The following ZNF534 variants were observed in gnomAD, a reference collection of about 807,000 sequenced individuals.
ZNF534 encodes KRAB domain only 3.
A neutral mutation model predicts 13.6 loss-of-function variants in ZNF534; 19 were observed. The observed-to-expected ratio is 1.40, with a 90% CI of 0.97 to 2.05. The LOEUF (loss-of-function observed/expected upper bound fraction) is 2.05, where lower values mean the gene tolerates loss of function less well. Ranked by LOEUF, ZNF534 falls within the 30% of genes most tolerant of loss-of-function variation. The probability of loss-of-function intolerance (pLI) is 0.00; values close to 1 mark genes in which losing one functional copy is unlikely to be tolerated. For missense variants in ZNF534, 782 were observed against 796.3 expected (o/e 0.98, Z 0.22); for synonymous variants, 244 against 273.8 (o/e 0.89, Z 1.07).
chr19:52,448,887 A>C (rs571695995), intron 4 of ZNF534, among the ~76,000 whole-genome samples: 25 of 152,314 alleles, frequency 1.6e-4, no homozygotes, highest in African/African-American at 5.5e-4. Context: ...TCTTCTAGCT[A>C]CTTTGAAATA....
At chr19:52,449,282 G>C (rs1199465730) in intron 4 of ZNF534, among the ~76,000 whole-genome samples, 1 of 151,946 alleles carries the variant, frequency 6.6e-6, no homozygotes, top group Non-Finnish European at 1.5e-5. Flanking sequence ...CCCATATCTT[G>C]GCTATTGAGA....
chr19:52,431,523 CTG>C, intron 2 of ZNF534, 34 bp downstream of exon 2: 1 of 1,613,646 alleles, frequency 6.2e-7, no homozygotes, highest in South Asian at 1.1e-5. Flanking sequence ...TGTTCTGTCT[CTG>C]TTTCTTCCTG....
At chr19:52,436,670 G>A (rs2059130904) in intron 4 of ZNF534, among the ~76,000 whole-genome samples, 1 of 152,072 alleles carries the variant, frequency 6.6e-6, no homozygotes, top group African/African-American at 2.4e-5. Context: ...TGATACTTTT[G>A]AATAACTTAT....
At chr19:52,433,868 A>G (rs757687688) in intron 2 of ZNF534, 87 bp from the exon 3 acceptor site, 5 of 1,495,108 alleles carry the variant, frequency 3.3e-6, no homozygotes, top group Non-Finnish European at 4.7e-6. Context: ...GCTTCAGTGG[A>G]GTGAGTCCTT....
intron 2 of ZNF534, 30 bp from the exon 3 acceptor site, chr19:52,433,912 ACTCTCTCCATACC>A (rs754838124): frequency 6.2e-7 from 1 of 1,610,714 alleles, no homozygotes; most frequent in East Asian, 2.2e-5. Context: ...GAAGATAAGT[ACTCTCTCCATACC>A]CTGTTTTTGA....
chr19:52,437,122 A>G lies in ZNF534; in HGVS notation c.272-610A>G, dbSNP rs140004955. Among the ~76,000 whole-genome samples the G allele has an allele frequency of 4.8e-3, 725 of 152,228 alleles. 9 individuals are homozygous for G. Among genetic ancestry groups the G allele is most frequent in the Non-Finnish European group, 6.0e-3 (405 of 68,018 alleles). On this transcript the variant is annotated intron_variant, in intron 4 of 4. Transcript: ENST00000433050. Reference sequence around the variant, plus strand: ...TGTGAAAGTACTATTACAAATATCTACATTGCTGCTCTTAAATATCTTATT... The same window carrying G: ...TGTGAAAGTACTATTACAAATATCTGCATTGCTGCTCTTAAATATCTTATT...
chr19:52,449,609 T>G (rs1032071684), intron 4 of ZNF534, among the ~76,000 whole-genome samples: 3 of 152,234 alleles, frequency 2.0e-5, no homozygotes, highest in Admixed American at 6.5e-5. Context: ...GGTTTTGATT[T>G]GCATTTACCT....
chr19:52,445,160 A>G (rs2059189793), downstream of ZNF534, among the ~76,000 whole-genome samples: 1 of 150,878 alleles, frequency 6.6e-6, no homozygotes, highest in South Asian at 2.1e-4. Flanking sequence ...GGGGACCCAG[A>G]GAGCTTTTCC....
Position 52,440,087 on chromosome 19 carries a change from AG to A in ZNF534, c.*642del, listed in dbSNP as rs2059162745. On this transcript the variant is annotated 3_prime_UTR_variant, in exon 5 of 5. Coordinates refer to ENST00000433050, the MANE Select transcript of ZNF534 (RefSeq NM_001143938.3). Reference sequence around the variant, plus strand: ...CTTTCTTTAAAAACAAAACAAAAAAAGTTATGAAGCCTCACAAAAGTAATAA... The same window carrying A: ...CTTTCTTTAAAAACAAAACAAAAAAATTATGAAGCCTCACAAAAGTAATAA... Among the ~76,000 whole-genome samples, 1 of 152,160 alleles carries A rather than the reference AG, an allele frequency of 6.6e-6. No individual in the cohort carries two copies. Among genetic ancestry groups the A allele is most frequent in the Non-Finnish European group, 1.5e-5 (1 of 68,034 alleles).
chr19:52,437,760 A>G lies in ZNF534; in HGVS notation c.300A>G (p.Ala100=), dbSNP rs2059137488. ...TEKSSKLGSS[A]GNKSLKNQHG... The stretch of plus-strand genomic sequence containing the variant: ...AGAGTTCTAAATTGGGAAGCAGTGC[A>G]GGAAACAAGTCACTTAAAAATCAAC... The change falls in exon 5 of 5, where the codon GCA becomes GCG. Residue 100 remains alanine (A), a synonymous_variant. Coordinates refer to ENST00000433050, the MANE Select transcript of ZNF534 (RefSeq NM_001143938.3). 15 of 1,591,466 alleles carry G rather than the reference A, an allele frequency of 9.4e-6. No homozygotes were observed. Among genetic ancestry groups the G allele is most frequent in the Non-Finnish European group, 1.2e-5 (14 of 1,168,656 alleles).
downstream of ZNF534, among the ~76,000 whole-genome samples, chr19:52,447,277 A>G (rs952418530): frequency 1.6e-4 from 24 of 152,224 alleles, no homozygotes; most frequent in Admixed American, 1.5e-3. Flanking sequence ...ATCATTTGGG[A>G]GAACATTATT....
chr19:52,432,194 G>A (rs1235334639), intron 2 of ZNF534, among the ~76,000 whole-genome samples: 6 of 151,992 alleles, frequency 3.9e-5, no homozygotes, highest in Non-Finnish European at 8.8e-5. Context: ...ATGGCTATAA[G>A]AACATTATAG....
intron 4 of ZNF534, among the ~76,000 whole-genome samples, chr19:52,435,939 CT>C (rs869289648): frequency 0.012 from 298 of 24,168 alleles, 1 homozygote; most frequent in African/African-American, 0.026. Flanking sequence ...TCTTCTTCTT[CT>C]TTTTTTTTTT....
rs1320179631 is a variant in ZNF534, at chr19:52,440,606, C to A, written c.*1160C>A. ...GACCAGCCTGACCAATGTGTTGAAA[C>A]CCCATCACTACTAAAAATAAAAAAA... is the stretch of plus-strand genomic sequence containing the variant. On this transcript the variant is annotated 3_prime_UTR_variant, in exon 5 of 5. Coordinates refer to ENST00000433050, the MANE Select transcript of ZNF534 (RefSeq NM_001143938.3). Among the ~76,000 whole-genome samples the A allele has an allele frequency of 2.0e-5, 3 of 151,868 alleles. No individual in the cohort carries two copies. The highest frequency in any genetic ancestry group is 2.9e-5 in the Non-Finnish European group (2 of 67,982).
intron 2 of ZNF534, among the ~76,000 whole-genome samples, chr19:52,432,819 A>G (rs1001610620): frequency 6.6e-6 from 1 of 151,822 alleles, no homozygotes; most frequent in Non-Finnish European, 1.5e-5. Context: ...TTTAGTAGAG[A>G]TGGGGTTTCA....
chr19:52,446,910 T>C (rs2059196524), downstream of ZNF534, among the ~76,000 whole-genome samples: 2 of 152,198 alleles, frequency 1.3e-5, no homozygotes, highest in Non-Finnish European at 2.9e-5. Flanking sequence ...AGAAGCCTAA[T>C]ATAGATCTGC....
Position 52,437,726 on chromosome 19 carries a change from T to G in ZNF534, c.272-6T>G. 1.3e-6 allele frequency: 2 copies of G among 1,548,026 alleles called. No homozygotes were observed. The highest frequency in any genetic ancestry group is 2.5e-5 in the South Asian group (2 of 79,642). ...ATTAAGTTCTAAAATTTTCTTGCTTTTCTAGAGAAGAGTTCTAAATTGGGA... is the reference window on the plus strand; with the variant it reads ...ATTAAGTTCTAAAATTTTCTTGCTTGTCTAGAGAAGAGTTCTAAATTGGGA... On this transcript the variant is annotated splice_region_variant and splice_polypyrimidine_tract_variant and intron_variant, in intron 4 of 4. Coordinates refer to ENST00000433050, the MANE Select transcript of ZNF534 (RefSeq NM_001143938.3).
downstream of ZNF534, among the ~76,000 whole-genome samples, chr19:52,445,196 A>ATTTT (rs1568448900): frequency 4.9e-5 from 2 of 40,434 alleles, no homozygotes; most frequent in African/African-American, 1.3e-4. Context: ...TCACTCAGCT[A>ATTTT]ATTTTTTTTT....
chr19:52,450,274 C>T (rs1033472330), intron 4 of ZNF534, among the ~76,000 whole-genome samples: 6 of 152,036 alleles, frequency 3.9e-5, no homozygotes, highest in African/African-American at 9.7e-5. Context: ...AAGAGTTTTC[C>T]TATTGTTTTC....
Sources: gnomAD v4.1 joint callset for allele counts (sites outside exome capture counted in the v4.1 genomes callset) on GRCh38, gnomAD v4.1.1 for gene constraint, MANE v1.5 for transcripts, NCBI Gene and HGNC (gene_info 2026-07-23, HGNC 2026-07-21) for gene names.